MDFIC2: variants seen among roughly 807,000 people sequenced by gnomAD.
MDFIC2 encodes the protein myoD family inhibitor domain-containing protein 2.
intron 2 of MDFIC2, among the ~76,000 whole-genome samples, chr3:70,269,555 G>A (rs1377896535): frequency 6.6e-6 from 1 of 152,100 alleles, no homozygotes; most frequent in African/African-American, 2.4e-5. Context: ...CCACGTAGCA[G>A]GGTTGGAGTC....
chr3:70,278,989 T>C (rs1386944041), intron 2 of MDFIC2, among the ~76,000 whole-genome samples: 1 of 151,640 alleles, frequency 6.6e-6, no homozygotes, highest in Admixed American at 6.6e-5. Flanking sequence ...GAAGTGGCTC[T>C]GAGAAAATCC....
At chr3:70,299,191 G>A (rs1213895261) in intron 2 of MDFIC2, among the ~76,000 whole-genome samples, 1 of 152,088 alleles carries the variant, frequency 6.6e-6, no homozygotes, top group African/African-American at 2.4e-5. Context: ...ACTATATGTA[G>A]AGCCATTGAA....
intron 2 of MDFIC2, among the ~76,000 whole-genome samples, chr3:70,296,401 A>AG (rs1702289089): frequency 1.3e-5 from 2 of 152,128 alleles, no homozygotes; most frequent in Admixed American, 1.3e-4. Flanking sequence ...CAGAAAATGG[A>AG]CCTAATTTTA....
intron 2 of MDFIC2, among the ~76,000 whole-genome samples, chr3:70,283,224 A>C (rs1335326526): frequency 2.0e-5 from 3 of 152,138 alleles, no homozygotes; most frequent in Non-Finnish European, 4.4e-5. Flanking sequence ...GAATGAAGAC[A>C]CTGAAATAGA....
At chr3:70,290,655 T>C (rs1019615652) in intron 2 of MDFIC2, among the ~76,000 whole-genome samples, 4 of 152,124 alleles carry the variant, frequency 2.6e-5, no homozygotes, top group East Asian at 3.9e-4. Flanking sequence ...GCCCCTCCCC[T>C]AGCCTCGCTG....
Position 70,211,719 on chromosome 3 carries a change from CCTTT to C in MDFIC2, c.89-4933_89-4930del, listed in dbSNP as rs568724839. Among the ~76,000 whole-genome samples the C allele has an allele frequency of 1.8e-4, 26 of 147,808 alleles. No homozygotes were observed. The South Asian group carries it at 4.6e-3, about 26-fold the overall frequency. On this transcript the variant is annotated intron_variant, in intron 2 of 3. Transcript: ENST00000567252. ...CTTCCCTTTGCCCTTCCCTTCCCTTCCTTTCCTTTCTCTTTTTCCTTTTTCTTCC... is the reference window on the plus strand; with the variant it reads ...CTTCCCTTTGCCCTTCCCTTCCCTTCCCTTTCTCTTTTTCCTTTTTCTTCC...
At chr3:70,224,672 C>G (rs1040133810) in intron 2 of MDFIC2, among the ~76,000 whole-genome samples, 6 of 152,246 alleles carry the variant, frequency 3.9e-5, no homozygotes, top group African/African-American at 1.4e-4. Context: ...GGAATCCACT[C>G]TCTGAGACCC....
rs567301868 is a variant in MDFIC2, at chr3:70,246,179, C to T, written c.89-39389G>A. Among the ~76,000 whole-genome samples, 71 of 152,004 alleles carry T rather than the reference C, an allele frequency of 4.7e-4. No individual in the cohort carries two copies. The South Asian group carries it at 5.4e-3, about 12-fold the overall frequency. ...TTTAAAAGCATAAAGTATTGACAGCCGTAAGATTCTTGGAATAGTACATCA... is the reference window on the plus strand; with the variant it reads ...TTTAAAAGCATAAAGTATTGACAGCTGTAAGATTCTTGGAATAGTACATCA... On this transcript the variant is annotated intron_variant, in intron 2 of 3. Coordinates refer to ENST00000567252, the MANE Select transcript of MDFIC2 (RefSeq NM_001364677.1).
chr3:70,212,288 A>AT (rs1170318342), intron 2 of MDFIC2, among the ~76,000 whole-genome samples: 2 of 152,146 alleles, frequency 1.3e-5, no homozygotes, highest in African/African-American at 4.8e-5. Flanking sequence ...TCTATTGGAC[A>AT]TTTTTTGTGG....
At chr3:70,202,154 A>G (rs191478037) in intron 3 of MDFIC2, among the ~76,000 whole-genome samples, 5 of 152,164 alleles carry the variant, frequency 3.3e-5, no homozygotes, top group Admixed American at 2.0e-4. Flanking sequence ...GTGACTGACT[A>G]GTGGTCTATC....
chr3:70,275,457 C>T (rs1335253149), intron 2 of MDFIC2, among the ~76,000 whole-genome samples: 1 of 152,170 alleles, frequency 6.6e-6, no homozygotes, highest in Non-Finnish European at 1.5e-5. Flanking sequence ...CAAGGCTGCA[C>T]TGAGCAGTGA....
At chr3:70,256,465 A>G (rs1285201298) in intron 2 of MDFIC2, among the ~76,000 whole-genome samples, 3 of 152,228 alleles carry the variant, frequency 2.0e-5, no homozygotes, top group Non-Finnish European at 1.5e-5. Flanking sequence ...GAGGTATATT[A>G]ACTCTTTGAG....
At chr3:70,218,765 ATTC>A (rs1316895949) in intron 2 of MDFIC2, among the ~76,000 whole-genome samples, 1 of 152,142 alleles carries the variant, frequency 6.6e-6, no homozygotes. Context: ...AGAAAAAAAA[ATTC>A]TTCAGCATTT....
intron 2 of MDFIC2, among the ~76,000 whole-genome samples, chr3:70,274,289 G>C (rs1265753212): frequency 2.0e-5 from 3 of 151,978 alleles, no homozygotes; most frequent in Non-Finnish European, 4.4e-5. Flanking sequence ...TAGAGCTTTT[G>C]ATTGCAGATA....
At chr3:70,253,408 G>T (rs546567086) in intron 2 of MDFIC2, among the ~76,000 whole-genome samples, 1 of 152,210 alleles carries the variant, frequency 6.6e-6, no homozygotes, top group East Asian at 1.9e-4. Context: ...AAGAGTTGTA[G>T]AATACCAGAG....
At chr3:70,213,443 AT>A (rs1294261068) in intron 2 of MDFIC2, among the ~76,000 whole-genome samples, 2 of 152,094 alleles carry the variant, frequency 1.3e-5, no homozygotes, top group Non-Finnish European at 2.9e-5. Context: ...CGTATAGACC[AT>A]TTTTTAAGCT....
At chr3:70,274,649 G>T (rs1268544190) in intron 2 of MDFIC2, among the ~76,000 whole-genome samples, 1 of 152,080 alleles carries the variant, frequency 6.6e-6, no homozygotes, top group Non-Finnish European at 1.5e-5. Context: ...GGTGGGGAGG[G>T]AGAGCTTAAT....
intron 2 of MDFIC2, among the ~76,000 whole-genome samples, chr3:70,310,127 A>T (rs560498066): frequency 6.6e-6 from 1 of 152,212 alleles, no homozygotes; most frequent in East Asian, 1.9e-4. Context: ...TTCCTTCTAC[A>T]TTGTTTTTAA....
In MDFIC2 at chr3:70,195,741, CAAAGT is replaced by C. The variant is rs1701170328; in HGVS notation, c.*1180_*1184del. Among the ~76,000 whole-genome samples the C allele has an allele frequency of 6.6e-6, 1 of 152,058 alleles. No homozygotes were observed. The highest frequency in any genetic ancestry group is 6.5e-5 in the Admixed American group (1 of 15,270). ...TAAGATATATCCATGGAAATTAACA[CAAAGT>C]AATGAGCAATGTATTTGCCCAAGGA... On this transcript the variant is annotated 3_prime_UTR_variant, in exon 4 of 4. Transcript: ENST00000567252.
Sources: gnomAD v4.1 joint callset for allele counts (sites outside exome capture counted in the v4.1 genomes callset) on GRCh38, gnomAD v4.1.1 for gene constraint, MANE v1.5 for transcripts, NCBI Gene and HGNC (gene_info 2026-07-23, HGNC 2026-07-21) for gene names.